Variants in TNRC6A observed in about 807,000 individuals in gnomAD.
TNRC6A encodes trinucleotide repeat-containing gene 6A protein.
A neutral mutation model predicts 221.2 loss-of-function variants in TNRC6A; 44 were observed. The observed-to-expected ratio is 0.20, with a 90% CI of 0.16 to 0.26. The LOEUF is 0.26. Among genes scored for constraint, TNRC6A ranks in the 10% least tolerant of loss-of-function variants. The pLI, the probability that TNRC6A is intolerant of heterozygous loss-of-function variation, is 1.00. For synonymous variants in TNRC6A, 847 were observed against 838.5 expected (o/e 1.01, Z -0.18); for missense variants, 2,199 against 2,404.4 (o/e 0.91, Z 1.79).
chr16:24,625,737 C>CAAAAAAA (rs749882396), intron 1 of TNRC6A, among the ~76,000 whole-genome samples: 13 of 23,956 alleles, frequency 5.4e-4, no homozygotes, highest in South Asian at 1.4e-3. Flanking sequence ...CGTCTCAAAA[C>CAAAAAAA]AAAAAAAAAA....
At position 24,734,706 on chromosome 16, in the gene TNRC6A, A is replaced by T. The variant is rs560073264; in HGVS notation, c.53+4406A>T. Among the ~76,000 whole-genome samples, 48 of 152,362 alleles carry T rather than the reference A, an allele frequency of 3.2e-4. No homozygotes were observed. In the South Asian group the frequency reaches 1.0e-2, roughly 32 times the overall value. On this transcript the variant is annotated intron_variant, in intron 2 of 24. Coordinates refer to ENST00000395799, the MANE Select transcript of TNRC6A (RefSeq NM_014494.4). Reference sequence around the variant, plus strand: ...TATTTTATTTTATATTGCACAATAGATAAAATATAATTTTGGTTTCTCCTT... The same window carrying T: ...TATTTTATTTTATATTGCACAATAGTTAAAATATAATTTTGGTTTCTCCTT...
intron 18 of TNRC6A, among the ~76,000 whole-genome samples, chr16:24,810,920 T>C (rs945692233): frequency 2.6e-5 from 4 of 152,206 alleles, no homozygotes; most frequent in Non-Finnish European, 5.9e-5. Flanking sequence ...AACTCATTCT[T>C]TCATTCAGCA....
intron 2 of TNRC6A, among the ~76,000 whole-genome samples, chr16:24,658,145 G>A (rs2054956897): frequency 6.6e-6 from 1 of 152,104 alleles, no homozygotes; most frequent in African/African-American, 2.4e-5. Flanking sequence ...TGTGGGTCTG[G>A]TGAATTTGGG....
intron 2 of TNRC6A, among the ~76,000 whole-genome samples, chr16:24,721,901 T>C (rs924061095): frequency 1.3e-5 from 2 of 152,136 alleles, no homozygotes; most frequent in Non-Finnish European, 2.9e-5. Flanking sequence ...CAAAAGAATA[T>C]ACACAGTATG....
intron 1 of TNRC6A, among the ~76,000 whole-genome samples, chr16:24,628,084 A>G (rs1423888008): frequency 6.6e-6 from 1 of 151,958 alleles, no homozygotes; most frequent in African/African-American, 2.4e-5. Flanking sequence ...CTTAAACAAC[A>G]TGGGTTTGAA....
At chr16:24,771,806 T>C (rs1006680829) in intron 4 of TNRC6A, among the ~76,000 whole-genome samples, 1 of 152,184 alleles carries the variant, frequency 6.6e-6, no homozygotes, top group Non-Finnish European at 1.5e-5. Context: ...TCTGCTGTTA[T>C]ACTATAGGAC....
intron 21 of TNRC6A, chr16:24,819,734 C>CA: frequency 4.7e-6 from 1 of 211,420 alleles, no homozygotes; most frequent in Non-Finnish European, 9.5e-6. Flanking sequence ...AGTTGGGGCT[C>CA]TTTTGCAGTC....
chr16:24,821,978 G>A (rs2058774438), intron 22 of TNRC6A, 99 bp from the exon 23 acceptor site: 1 of 1,118,666 alleles, frequency 8.9e-7, no homozygotes. Context: ...GAAGTGCAAG[G>A]AAGTGAAGGA....
At chr16:24,733,308 C>T (rs761984967) in intron 2 of TNRC6A, among the ~76,000 whole-genome samples, 1 of 152,194 alleles carries the variant, frequency 6.6e-6, no homozygotes, top group African/African-American at 2.4e-5. Context: ...AGATGTGTTG[C>T]CATTCTCCTT....
rs2058063483 is a variant in TNRC6A, at chr16:24,790,022, G to C, written c.1380G>C (p.Met460Ile). Residue 460 changes from methionine (M) to isoleucine (I), a missense_variant, in exon 6 of 25, where the codon ATG becomes ATC. Around this residue, in one of 8 missense-constraint regions of TNRC6A, gnomAD observed 1,405 missense variants for 1,400.2 expected, o/e 1.00. Coordinates refer to ENST00000395799, the MANE Select transcript of TNRC6A (RefSeq NM_014494.4). ...MTGPNNTTNFMTSSLPNSGSV... is the reference protein window; with the variant it reads ...MTGPNNTTNFITSSLPNSGSV... ...GACCAAATAACACTACTAACTTTAT[G>C]ACCTCTAGTTTACCAAACTCCGGTT... is the stretch of plus-strand genomic sequence containing the variant. The C allele has an allele frequency of 6.2e-7, 1 of 1,614,186 alleles. No homozygotes were observed. Among genetic ancestry groups the C allele is most frequent in the African/African-American group, 1.3e-5 (1 of 75,052 alleles).
chr16:24,808,253 T>C (rs2058474856), intron 17 of TNRC6A, among the ~76,000 whole-genome samples: 1 of 152,246 alleles, frequency 6.6e-6, no homozygotes, highest in Non-Finnish European at 1.5e-5. Context: ...GTTCTAAGCA[T>C]AGGATTTCCT....
intron 2 of TNRC6A, among the ~76,000 whole-genome samples, chr16:24,733,145 G>T (rs1015117924): frequency 1.3e-5 from 2 of 152,092 alleles, no homozygotes; most frequent in Non-Finnish European, 1.5e-5. Flanking sequence ...TGAACCCTGG[G>T]AGCGGAGAGC....
chr16:24,730,721 A>G (rs186716253), intron 2 of TNRC6A, among the ~76,000 whole-genome samples: 5 of 114,866 alleles, frequency 4.4e-5, no homozygotes, highest in Admixed American at 3.8e-4. Context: ...AAAAGATACT[A>G]TGTGTTCGCA....
intron 2 of TNRC6A, among the ~76,000 whole-genome samples, chr16:24,647,018 T>C (rs1567322538): frequency 6.6e-6 from 1 of 152,064 alleles, no homozygotes; most frequent in Non-Finnish European, 1.5e-5. Flanking sequence ...AGTTTTGACC[T>C]CCTGGGCTCA....
chr16:24,657,781 G>C (rs77356735), intron 2 of TNRC6A, among the ~76,000 whole-genome samples: 2,760 of 150,938 alleles, frequency 0.018, 75 homozygotes, highest in African/African-American at 0.056. Context: ...AAAGCTGTAA[G>C]AGAATATTTT....
At chr16:24,753,423 A>G (rs1216940289) in intron 3 of TNRC6A, among the ~76,000 whole-genome samples, 1 of 152,374 alleles carries the variant, frequency 6.6e-6, no homozygotes, top group East Asian at 1.9e-4. Context: ...CCTCTAATAA[A>G]TGTTAAGTTT....
intron 14 of TNRC6A, 55 bp from the exon 15 acceptor site, chr16:24,805,550 G>A: frequency 1.9e-6 from 3 of 1,603,564 alleles, no homozygotes; most frequent in Non-Finnish European, 2.6e-6. Flanking sequence ...CACAGTACGT[G>A]TAGTTAGTGT....
chr16:24,653,164 GAAC>G (rs1316788432), intron 2 of TNRC6A, among the ~76,000 whole-genome samples: 3 of 152,060 alleles, frequency 2.0e-5, no homozygotes, highest in African/African-American at 7.2e-5. Flanking sequence ...TAAAGCAATA[GAAC>G]AATAACCCCA....
intron 2 of TNRC6A, among the ~76,000 whole-genome samples, chr16:24,699,027 G>T (rs1056491407): frequency 2.6e-5 from 4 of 152,120 alleles, no homozygotes; most frequent in Non-Finnish European, 4.4e-5. Flanking sequence ...AGAATTTTAA[G>T]GGAGCTGAAG....
Sources: gnomAD v4.1 joint callset for allele counts (sites outside exome capture counted in the v4.1 genomes callset) on GRCh38, gnomAD v4.1.1 for gene constraint, gnomAD v4.1.1 regional missense constraint, MANE v1.5 for transcripts, NCBI Gene and HGNC (gene_info 2026-07-23, HGNC 2026-07-21) for gene names.